PALLD: variants seen among roughly 807,000 people sequenced by gnomAD.
The protein encoded by PALLD is palladin.
Under a neutral mutation model 123.5 loss-of-function variants are expected in PALLD, and 61 were observed. That is an observed-to-expected ratio of 0.49 (90% CI 0.40 to 0.61). The LOEUF is 0.61. Among genes scored for constraint, PALLD ranks in the 20% least tolerant of loss-of-function variants. The pLI is 0.00. For missense variants in PALLD, 1,273 were observed against 1,377.0 expected, an observed-to-expected ratio of 0.92 and a Z score of 1.20; for synonymous variants, 465 against 496.4, an observed-to-expected ratio of 0.94 and a Z score of 0.84.
At chr4:168,885,288 C>T (rs1375648125) in intron 10 of PALLD, 1 of 152,114 alleles carries the variant, frequency 6.6e-6, no homozygotes, top group African/African-American at 2.4e-5. Context: ...GGTTATTAGC[C>T]TTTGTGATCA....
At chr4:168,897,751 C>T (rs576581833) in intron 13 of PALLD, among the ~76,000 whole-genome samples, 1 of 152,098 alleles carries the variant, frequency 6.6e-6, no homozygotes, top group Non-Finnish European at 1.5e-5. Flanking sequence ...CTGTACCTGG[C>T]CTTTAATGCA....
At chr4:168,690,507 T>C in intron 6 of PALLD, 96 bp from the exon 7 acceptor site, 30 of 1,458,870 alleles carry the variant, frequency 2.1e-5, no homozygotes, top group Non-Finnish European at 2.8e-5. Flanking sequence ...TGTATCTGTT[T>C]TGTCTGAGGT....
chr4:168,546,865 T>C (rs909568741), intron 2 of PALLD, among the ~76,000 whole-genome samples: 6 of 152,224 alleles, frequency 3.9e-5, no homozygotes, highest in African/African-American at 4.8e-5. Context: ...GTTTACATTA[T>C]GTATTTCAAT....
intron 10 of PALLD, among the ~76,000 whole-genome samples, chr4:168,857,555 G>A (rs1162691167): frequency 2.0e-5 from 3 of 152,102 alleles, no homozygotes; most frequent in East Asian, 1.9e-4. Context: ...TTTATTTTAC[G>A]TGTACACATT....
chr4:168,695,650 G>A (rs1783065402), intron 8 of PALLD, among the ~76,000 whole-genome samples: 2 of 152,084 alleles, frequency 1.3e-5, no homozygotes, highest in African/African-American at 4.8e-5. Context: ...AATGAGGCTG[G>A]CTCATCCAAT....
intron 10 of PALLD, among the ~76,000 whole-genome samples, chr4:168,816,817 CGTGTGTGTGTGT>C (rs61010592): frequency 0.089 from 9,823 of 110,926 alleles, 563 homozygotes; most frequent in African/African-American, 0.15. Context: ...GAGCTAGCCC[CGTGTGTGTGTGT>C]GTGTGTGTGT....
At chr4:168,588,411 A>T (rs1021584923) in intron 2 of PALLD, among the ~76,000 whole-genome samples, 2 of 149,338 alleles carry the variant, frequency 1.3e-5, no homozygotes, top group Non-Finnish European at 3.0e-5. Flanking sequence ...GATACTTTTT[A>T]TTTTTTTTTT....
intron 2 of PALLD, among the ~76,000 whole-genome samples, chr4:168,540,998 G>A (rs898777195): frequency 1.3e-5 from 2 of 152,182 alleles, no homozygotes; most frequent in African/African-American, 4.8e-5. Context: ...TCATGGAGAC[G>A]GTAGTTAGTC....
intron 2 of PALLD, among the ~76,000 whole-genome samples, chr4:168,575,171 T>C (rs1769421266): frequency 6.6e-6 from 1 of 152,102 alleles, no homozygotes; most frequent in South Asian, 2.1e-4. Flanking sequence ...CTGGAGGGCT[T>C]ATAAAACCGT....
intron 2 of PALLD, among the ~76,000 whole-genome samples, chr4:168,556,186 C>A (rs1229953056): frequency 1.3e-5 from 2 of 152,100 alleles, no homozygotes; most frequent in African/African-American, 4.8e-5. Context: ...GGCTCCGCCC[C>A]CCGGGTTCAC....
intron 10 of PALLD, among the ~76,000 whole-genome samples, chr4:168,838,640 T>A (rs2150908547): frequency 6.6e-6 from 1 of 151,516 alleles, no homozygotes; most frequent in South Asian, 2.1e-4. Flanking sequence ...AGTTCACTTC[T>A]TGAGGAGAGA....
intron 1 of PALLD, among the ~76,000 whole-genome samples, chr4:168,503,650 A>AAG (rs984909820): frequency 1.1e-4 from 16 of 151,590 alleles, no homozygotes; most frequent in Non-Finnish European, 2.1e-4. Flanking sequence ...CCATCTCAAA[A>AAG]AAAAAAAAAA....
chr4:168,839,116 C>T (rs921379298), intron 10 of PALLD, among the ~76,000 whole-genome samples: 12 of 152,106 alleles, frequency 7.9e-5, no homozygotes, highest in African/African-American at 2.4e-4. Context: ...CCACGCCCAG[C>T]TAATTTTTTG....
At chr4:168,584,909 G>GCA (rs1303145761) in intron 2 of PALLD, among the ~76,000 whole-genome samples, 1 of 152,168 alleles carries the variant, frequency 6.6e-6, no homozygotes. Context: ...AAGTACCCAT[G>GCA]CACACACACA....
intron 2 of PALLD, among the ~76,000 whole-genome samples, chr4:168,568,119 T>C (rs1400453666): frequency 6.6e-6 from 1 of 152,092 alleles, no homozygotes; most frequent in Non-Finnish European, 1.5e-5. Flanking sequence ...TGGGCCCTTT[T>C]GGTTTTATGA....
intron 10 of PALLD, chr4:168,885,431 C>T (rs896556686): frequency 6.6e-6 from 1 of 152,190 alleles, no homozygotes; most frequent in African/African-American, 2.4e-5. Context: ...GCAAGGATGA[C>T]ACACAAAGTC....
rs77567253 is a variant in PALLD, at chr4:168,869,090, G to A, written c.1965-21832G>A. On this transcript the variant is annotated intron_variant, in intron 10 of 21. Coordinates refer to ENST00000505667, the MANE Select transcript of PALLD (RefSeq NM_001166108.2). The surrounding 1 kb of genome is among the most constrained non-coding windows in gnomAD (Gnocchi z 4.5). ...TCACAAACGTTCTCATTCGGGTTTG[G>A]GAGTTTCACATTTTGGATACTAACA... 7.7e-3 allele frequency among the ~76,000 whole-genome samples: 1,173 copies of A among 152,142 alleles called. 7 individuals carry two copies. The highest frequency in any genetic ancestry group is 0.013 in the Non-Finnish European group (852 of 68,000).
At chr4:168,668,133 A>C in intron 2 of PALLD, 57 bp from the exon 3 acceptor site, 2 of 1,370,592 alleles carry the variant, frequency 1.5e-6, no homozygotes, top group Non-Finnish European at 2.1e-6. Flanking sequence ...TTATTGTTTT[A>C]AACATCACCA....
intron 10 of PALLD, among the ~76,000 whole-genome samples, chr4:168,746,493 A>G (rs6833344): frequency 6.6e-6 from 1 of 151,264 alleles, no homozygotes; most frequent in African/African-American, 2.4e-5. Flanking sequence ...TCCTTAAGCA[A>G]AAGGACTGTC....
Sources: gnomAD v4.1 joint callset for allele counts (sites outside exome capture counted in the v4.1 genomes callset) on GRCh38, gnomAD v4.1.1 for gene constraint, Gnocchi (gnomAD v3.1) non-coding constraint, MANE v1.5 for transcripts, NCBI Gene and HGNC (gene_info 2026-07-23, HGNC 2026-07-21) for gene names.